The following CABCOCO1 variants were observed in gnomAD, a reference collection of about 807,000 sequenced individuals.
The protein encoded by CABCOCO1 is ciliary-associated calcium-binding coiled-coil protein 1.
Under a neutral mutation model 35.7 loss-of-function variants are expected in CABCOCO1, and 28 were observed. That is an observed-to-expected ratio of 0.78 (90% CI 0.58 to 1.07). The LOEUF (loss-of-function observed/expected upper bound fraction) is 1.07, where lower values mean the gene tolerates loss of function less well. Ranked by LOEUF, CABCOCO1 falls within the 50% of genes least tolerant of loss-of-function variation. The probability of loss-of-function intolerance (pLI) is 0.00; values close to 1 mark genes in which losing one functional copy is unlikely to be tolerated. For synonymous variants in CABCOCO1, 95 were observed against 100.1 expected, an observed-to-expected ratio of 0.95 and a Z score of 0.30; for missense variants, 326 against 309.2, an observed-to-expected ratio of 1.05 and a Z score of -0.41.
chr10:61,751,471 G>T (rs1418510076), intron 5 of CABCOCO1, among the ~76,000 whole-genome samples: 3 of 152,108 alleles, frequency 2.0e-5, no homozygotes, highest in African/African-American at 7.2e-5. Context: ...CAGCTGCAAG[G>T]CTTTGAGTCC....
chr10:61,722,600 T>A (rs1468871115), intron 5 of CABCOCO1, among the ~76,000 whole-genome samples: 1 of 151,832 alleles, frequency 6.6e-6, no homozygotes, highest in Non-Finnish European at 1.5e-5. Flanking sequence ...ACGATCACAG[T>A]AGAAATAAAT....
chr10:61,679,470 T>G (rs1839640944), intron 2 of CABCOCO1, among the ~76,000 whole-genome samples: 1 of 152,212 alleles, frequency 6.6e-6, no homozygotes, highest in Non-Finnish European at 1.5e-5. Flanking sequence ...GGAAATTGAC[T>G]GTTTATATGA....
chr10:61,703,101 G>A (rs929641095), intron 5 of CABCOCO1, among the ~76,000 whole-genome samples: 4 of 152,028 alleles, frequency 2.6e-5, no homozygotes, highest in African/African-American at 7.2e-5. Flanking sequence ...GAGTTTCATA[G>A]CTCCCAGAGC....
chr10:61,686,320 T>C, intron 4 of CABCOCO1, 135 bp downstream of exon 4: 1 of 649,204 alleles, frequency 1.5e-6, no homozygotes, highest in Non-Finnish European at 2.4e-6. Context: ...CAATCAATAA[T>C]TAGGTACTTA....
chr10:61,682,190 T>C (rs1839812576), intron 3 of CABCOCO1, among the ~76,000 whole-genome samples: 1 of 152,166 alleles, frequency 6.6e-6, no homozygotes, highest in Non-Finnish European at 1.5e-5. Context: ...GTAACATTTC[T>C]TCTATGTGAA....
At chr10:61,714,998 G>C (rs1840824473) in intron 5 of CABCOCO1, among the ~76,000 whole-genome samples, 1 of 152,170 alleles carries the variant, frequency 6.6e-6, no homozygotes. Flanking sequence ...GTTGATTTGG[G>C]GTGGAGAGTT....
intron 5 of CABCOCO1, among the ~76,000 whole-genome samples, chr10:61,733,371 GA>G (rs1841347244): frequency 6.6e-6 from 1 of 151,902 alleles, no homozygotes; most frequent in Non-Finnish European, 1.5e-5. Context: ...ATTTAGCAAA[GA>G]AAAAATATTT....
intron 5 of CABCOCO1, among the ~76,000 whole-genome samples, chr10:61,711,176 A>G (rs1364152277): frequency 6.6e-6 from 1 of 152,018 alleles, no homozygotes; most frequent in African/African-American, 2.4e-5. Context: ...CATTAAACAT[A>G]ACACCCCTTG....
chr10:61,707,663 T>G (rs1840626776), intron 5 of CABCOCO1, among the ~76,000 whole-genome samples: 1 of 152,128 alleles, frequency 6.6e-6, no homozygotes, highest in Admixed American at 6.6e-5. Flanking sequence ...CAATCACCAT[T>G]CTAATGACAA....
At chr10:61,722,870 C>T (rs927496761) in intron 5 of CABCOCO1, among the ~76,000 whole-genome samples, 6 of 152,022 alleles carry the variant, frequency 3.9e-5, no homozygotes, top group Non-Finnish European at 8.8e-5. Context: ...CTAAATCAAC[C>T]AATACCTATG....
intron 7 of CABCOCO1, 84 bp from the exon 8 acceptor site, chr10:61,765,855 A>C (rs1482451920): frequency 8.0e-7 from 1 of 1,253,474 alleles, no homozygotes; most frequent in Non-Finnish European, 1.1e-6. Flanking sequence ...GTCTTTAGGC[A>C]CTATAGTATG....
chr10:61,724,961 TA>T (rs755367944), intron 5 of CABCOCO1, among the ~76,000 whole-genome samples: 13 of 152,342 alleles, frequency 8.5e-5, no homozygotes, highest in South Asian at 2.1e-4. Flanking sequence ...TAAAGTATAA[TA>T]AAACAGGTTC....
At chr10:61,692,936 G>A (rs1226877193) in intron 5 of CABCOCO1, among the ~76,000 whole-genome samples, 2 of 152,108 alleles carry the variant, frequency 1.3e-5, no homozygotes, top group African/African-American at 4.8e-5. Flanking sequence ...GAAAATGATA[G>A]TGGCTTCAAT....
At chr10:61,693,049 G>T (rs531074843) in intron 5 of CABCOCO1, among the ~76,000 whole-genome samples, 1 of 152,140 alleles carries the variant, frequency 6.6e-6, no homozygotes, top group South Asian at 2.1e-4. Context: ...ATATTGTAAG[G>T]ATATATTTAG....
In CABCOCO1 at chr10:61,759,372, C is replaced by G. The variant is rs116612338; in HGVS notation, c.553-687C>G. Among the ~76,000 whole-genome samples the G allele has an allele frequency of 5.0e-3, 761 of 152,144 alleles. 4 individuals are homozygous for G. Among genetic ancestry groups the G allele is most frequent in the African/African-American group, 0.017 (698 of 41,540 alleles). On this transcript the variant is annotated intron_variant, in intron 5 of 7. Coordinates refer to ENST00000648843, the MANE Select transcript of CABCOCO1 (RefSeq NM_001366906.2). ...TACCCTCATCTCCCCTTTCCCTCCC[C>G]CAAGTCAGAGTGAGATGAGCACTGC...
chr10:61,753,349 T>C (rs1351864566), intron 5 of CABCOCO1, among the ~76,000 whole-genome samples: 1 of 152,066 alleles, frequency 6.6e-6, no homozygotes, highest in Non-Finnish European at 1.5e-5. Context: ...TTGTAAAAAA[T>C]ATTTTGAAAA....
At chr10:61,727,400 T>G (rs928924158) in intron 5 of CABCOCO1, among the ~76,000 whole-genome samples, 9 of 152,300 alleles carry the variant, frequency 5.9e-5, no homozygotes, top group South Asian at 2.1e-4. Flanking sequence ...AGATTTTCAC[T>G]GATAGAATAT....
At chr10:61,764,070 T>C (rs1388418456) in intron 7 of CABCOCO1, among the ~76,000 whole-genome samples, 1 of 152,132 alleles carries the variant, frequency 6.6e-6, no homozygotes, top group Non-Finnish European at 1.5e-5. Context: ...TGATAAATTC[T>C]GTCTCGGTAA....
chr10:61,707,211 T>C (rs748129121), intron 5 of CABCOCO1, among the ~76,000 whole-genome samples: 3 of 152,014 alleles, frequency 2.0e-5, no homozygotes, highest in African/African-American at 7.3e-5. Flanking sequence ...ACTGTAAGAA[T>C]AGCCAACAGA....
Sources: allele counts gnomAD v4.1 joint callset (sites outside exome capture counted in the v4.1 genomes callset), GRCh38; gene constraint gnomAD v4.1.1; transcripts MANE v1.5; gene names NCBI Gene and HGNC (gene_info 2026-07-23, HGNC 2026-07-21).